Variants in CSRNP3 observed in about 807,000 individuals in gnomAD.
The protein encoded by CSRNP3 is cysteine/serine-rich nuclear protein 3.
A neutral mutation model predicts 48.0 loss-of-function variants in CSRNP3; 12 were observed. The ratio of observed to expected loss-of-function variants is 0.25; its 90% CI spans 0.16 to 0.41. CSRNP3 has a LOEUF of 0.41. Among genes scored for constraint, CSRNP3 ranks in the 10% least tolerant of loss-of-function variants. CSRNP3 has a pLI of 1.00. For synonymous variants in CSRNP3, 263 were observed against 269.7 expected (o/e 0.98, Z 0.24); for missense variants, 580 against 724.4 (o/e 0.80, Z 2.29).
intron 3 of CSRNP3, among the ~76,000 whole-genome samples, chr2:165,560,687 T>C (rs1181054049): frequency 6.6e-6 from 1 of 152,116 alleles, no homozygotes; most frequent in Non-Finnish European, 1.5e-5. Context: ...ATCATTCTGT[T>C]TTAGGTAGGA....
chr2:165,627,607 A>G (rs1686459333), intron 4 of CSRNP3, among the ~76,000 whole-genome samples: 1 of 152,120 alleles, frequency 6.6e-6, no homozygotes, highest in East Asian at 1.9e-4. Context: ...TGATTGCATG[A>G]GTCATATGCA....
intron 2 of CSRNP3, among the ~76,000 whole-genome samples, chr2:165,517,563 T>G (rs941906323): frequency 6.6e-6 from 1 of 151,946 alleles, no homozygotes; most frequent in Non-Finnish European, 1.5e-5. Flanking sequence ...TCTAGTGTAA[T>G]GCTGGTTAAT....
intron 1 of CSRNP3, among the ~76,000 whole-genome samples, chr2:165,490,292 TAA>T (rs1040247671): frequency 2.7e-5 from 4 of 149,728 alleles, no homozygotes; most frequent in Non-Finnish European, 4.4e-5. Flanking sequence ...CTCAATGAAA[TAA>T]AAGAGGATAC....
chr2:165,642,833 A>C (rs970702857), intron 4 of CSRNP3, among the ~76,000 whole-genome samples: 2 of 152,212 alleles, frequency 1.3e-5, no homozygotes, highest in Non-Finnish European at 2.9e-5. Flanking sequence ...AAGTGCTGGG[A>C]TTATAGACGT....
chr2:165,612,988 A>G (rs1221750816), intron 4 of CSRNP3, among the ~76,000 whole-genome samples: 1 of 152,072 alleles, frequency 6.6e-6, no homozygotes, highest in African/African-American at 2.4e-5. Flanking sequence ...TTTAAAAGAT[A>G]CCTCCATACT....
intron 1 of CSRNP3, among the ~76,000 whole-genome samples, chr2:165,483,222 C>G (rs1343816949): frequency 1.3e-5 from 2 of 151,986 alleles, no homozygotes; most frequent in Non-Finnish European, 2.9e-5. Context: ...CAAAACTTGC[C>G]TGGTAACAAC....
chr2:165,634,934 C>T (rs757830316), intron 4 of CSRNP3, among the ~76,000 whole-genome samples: 1 of 152,188 alleles, frequency 6.6e-6, no homozygotes, highest in East Asian at 1.9e-4. Context: ...TTGGTATTTC[C>T]CCAGAGTGCT....
At chr2:165,472,752 C>T (rs552793529) in intron 1 of CSRNP3, among the ~76,000 whole-genome samples, 2 of 152,064 alleles carry the variant, frequency 1.3e-5, no homozygotes, top group Admixed American at 1.3e-4. Context: ...ACATATCATA[C>T]TTTATTTTCA....
intron 3 of CSRNP3, among the ~76,000 whole-genome samples, chr2:165,532,687 A>G (rs1343368018): frequency 1.3e-5 from 2 of 152,088 alleles, no homozygotes; most frequent in African/African-American, 2.4e-5. Context: ...CCTATTCAAC[A>G]TAGTGTTGGA....
intron 4 of CSRNP3, among the ~76,000 whole-genome samples, chr2:165,631,050 A>G (rs1176469660): frequency 6.6e-6 from 1 of 152,234 alleles, no homozygotes; most frequent in Non-Finnish European, 1.5e-5. Context: ...ATATAACATT[A>G]TAACTTAATC....
At chr2:165,666,385 G>A (rs1416506509) in intron 5 of CSRNP3, among the ~76,000 whole-genome samples, 1 of 119,382 alleles carries the variant, frequency 8.4e-6, no homozygotes, top group Non-Finnish European at 1.8e-5. Context: ...AAGAAAGAGA[G>A]AGAGAGAAAG....
At position 165,657,743 on chromosome 2, in the gene CSRNP3, T is replaced by C. The variant is rs1687028760; in HGVS notation, c.149-18T>C. Reference sequence around the variant, plus strand: ...CTGCTGCCCCAAGTGTTCACAGGATTGTTTCTTTCTCTTTCAGCTTCCTCC... The same window carrying C: ...CTGCTGCCCCAAGTGTTCACAGGATCGTTTCTTTCTCTTTCAGCTTCCTCC... On this transcript the variant is annotated intron_variant, in intron 4 of 6. Coordinates refer to ENST00000651982, the MANE Select transcript of CSRNP3 (RefSeq NM_001172173.2). The C allele has an allele frequency of 2.5e-6, 4 of 1,610,952 alleles. No homozygotes were observed. The highest frequency in any genetic ancestry group is 2.5e-6 in the Non-Finnish European group (3 of 1,177,320).
chr2:165,599,327 A>AAGAAAGAAAGAAAGAAAGAAAG (rs1472699208), intron 4 of CSRNP3, among the ~76,000 whole-genome samples: 1 of 150,788 alleles, frequency 6.6e-6, no homozygotes, highest in Non-Finnish European at 1.5e-5. Context: ...GAAAGAAAGA[A>AAGAAAGAAAGAAAGAAAGAAAG]AGGAAAAGAA....
intron 5 of CSRNP3, among the ~76,000 whole-genome samples, chr2:165,671,381 T>C (rs1437764841): frequency 1.3e-5 from 2 of 152,212 alleles, no homozygotes; most frequent in Non-Finnish European, 2.9e-5. Context: ...CACAGTTCCA[T>C]TTGGCTGGGA....
intron 3 of CSRNP3, among the ~76,000 whole-genome samples, chr2:165,542,845 A>G (rs1248242584): frequency 1.3e-5 from 2 of 152,164 alleles, no homozygotes; most frequent in African/African-American, 4.8e-5. Flanking sequence ...TGGAATAGAC[A>G]CGATTATGTA....
At chr2:165,607,033 T>A (rs1686040737) in intron 4 of CSRNP3, among the ~76,000 whole-genome samples, 1 of 152,088 alleles carries the variant, frequency 6.6e-6, no homozygotes, top group Non-Finnish European at 1.5e-5. Context: ...AATATGAGTA[T>A]TAAGCACGTG....
chr2:165,481,086 T>C (rs1684036462), intron 1 of CSRNP3, among the ~76,000 whole-genome samples: 1 of 151,848 alleles, frequency 6.6e-6, no homozygotes, highest in Non-Finnish European at 1.5e-5. Flanking sequence ...CCTTTAGAGG[T>C]TTGGTTAAAT....
chr2:165,505,314 T>G (rs762613600), intron 2 of CSRNP3, among the ~76,000 whole-genome samples: 2 of 152,118 alleles, frequency 1.3e-5, no homozygotes, highest in Non-Finnish European at 2.9e-5. Flanking sequence ...ATAAAGGCAT[T>G]GCTTGAAGTG....
chr2:165,526,654 A>T (rs563161202), intron 3 of CSRNP3, among the ~76,000 whole-genome samples: 1 of 152,340 alleles, frequency 6.6e-6, no homozygotes, highest in East Asian at 1.9e-4. Flanking sequence ...CTGTCCAATT[A>T]TCTGTGAGGA....
Sources: allele counts gnomAD v4.1 joint callset (sites outside exome capture counted in the v4.1 genomes callset), GRCh38; gene constraint gnomAD v4.1.1; transcripts MANE v1.5; gene names NCBI Gene and HGNC (gene_info 2026-07-23, HGNC 2026-07-21).